The following SRBD1 variants were observed in gnomAD, a reference collection of about 807,000 sequenced individuals.
SRBD1 encodes the protein S1 RNA binding domain 1.
Under a neutral mutation model 115.3 loss-of-function variants are expected in SRBD1, and 88 were observed. The observed-to-expected ratio is 0.76, with a 90% CI of 0.64 to 0.91. The LOEUF is 0.91. Ranked by LOEUF, SRBD1 falls within the 40% of genes least tolerant of loss-of-function variation. The pLI is 0.00. For missense variants in SRBD1, 1,385 were observed against 1,177.4 expected, an observed-to-expected ratio of 1.18 and a Z score of -2.58; for synonymous variants, 509 against 407.7, an observed-to-expected ratio of 1.25 and a Z score of -2.99.
intron 20 of SRBD1, 80 bp from the exon 21 acceptor site, chr2:45,389,679 A>G: frequency 7.4e-7 from 1 of 1,353,290 alleles, no homozygotes; most frequent in South Asian, 1.4e-5. Context: ...AGTACTTACT[A>G]CATACTATGT....
chr2:45,455,775 AT>A (rs1669133598), intron 16 of SRBD1, among the ~76,000 whole-genome samples: 1 of 151,890 alleles, frequency 6.6e-6, no homozygotes, highest in Non-Finnish European at 1.5e-5. Context: ...AAATAAAAAA[AT>A]AACAGTGGTG....
At chr2:45,593,202 C>T (rs1673779146) in intron 4 of SRBD1, among the ~76,000 whole-genome samples, 1 of 152,100 alleles carries the variant, frequency 6.6e-6, no homozygotes, top group Non-Finnish European at 1.5e-5. Context: ...CACTCTTACA[C>T]AGTCAATATA....
chr2:45,439,734 T>C (rs532268167), intron 16 of SRBD1, among the ~76,000 whole-genome samples: 1 of 151,874 alleles, frequency 6.6e-6, no homozygotes. Context: ...GCAAAAATTG[T>C]CTATAAAGAC....
At chr2:45,575,473 C>G (rs559820667) in intron 7 of SRBD1, among the ~76,000 whole-genome samples, 4 of 152,092 alleles carry the variant, frequency 2.6e-5, no homozygotes, top group Non-Finnish European at 5.9e-5. Context: ...TTGCATGAAA[C>G]GTTTTTTGCA....
intron 10 of SRBD1, among the ~76,000 whole-genome samples, chr2:45,560,204 A>G (rs960568093): frequency 9.9e-5 from 15 of 152,238 alleles, no homozygotes; most frequent in Non-Finnish European, 8.8e-5. Context: ...AAATTTTTCA[A>G]TTGGAGAACT....
intron 4 of SRBD1, among the ~76,000 whole-genome samples, chr2:45,589,534 T>C (rs1296514530): frequency 6.6e-6 from 1 of 152,222 alleles, no homozygotes; most frequent in African/African-American, 2.4e-5. Context: ...GAGCAATCCA[T>C]GGGCTCCCAC....
At chr2:45,527,447 T>C (rs1337847006) in intron 14 of SRBD1, among the ~76,000 whole-genome samples, 1 of 151,846 alleles carries the variant, frequency 6.6e-6, no homozygotes, top group Non-Finnish European at 1.5e-5. Context: ...GAGAATCTCA[T>C]GGAGAATGTA....
At chr2:45,475,855 T>C (rs942711041) in intron 16 of SRBD1, among the ~76,000 whole-genome samples, 1 of 152,280 alleles carries the variant, frequency 6.6e-6, no homozygotes, top group Non-Finnish European at 1.5e-5. Context: ...CGCGCCACCA[T>C]ACCCGGCTAA....
chr2:45,554,896 T>G (rs1304099111), intron 10 of SRBD1, among the ~76,000 whole-genome samples: 1 of 152,144 alleles, frequency 6.6e-6, no homozygotes, highest in Non-Finnish European at 1.5e-5. Flanking sequence ...TATGAAATGT[T>G]AAGTTTTCCA....
intron 19 of SRBD1, among the ~76,000 whole-genome samples, chr2:45,409,515 C>CAAAAAAAAAAAAAAAAAAAAAAA (rs59849294): frequency 1.7e-5 from 2 of 117,920 alleles, no homozygotes; most frequent in African/African-American, 3.2e-5. Flanking sequence ...TTGCAATAGG[C>CAAAAAAAAAAAAAAAAAAAAAAA]AAAAAAAAAA....
At chr2:45,574,594 T>A (rs1347238286) in intron 8 of SRBD1, 33 bp downstream of exon 8, 9 of 1,593,482 alleles carry the variant, frequency 5.6e-6, no homozygotes, top group Non-Finnish European at 7.7e-6. Context: ...CATGAGTCCA[T>A]AAAGCAGAAA....
At chr2:45,492,908 C>T (rs1304326050) in intron 14 of SRBD1, among the ~76,000 whole-genome samples, 1 of 152,120 alleles carries the variant, frequency 6.6e-6, no homozygotes, top group Non-Finnish European at 1.5e-5. Context: ...AACAGAAGAA[C>T]TTAATTTAAA....
At chr2:45,562,225 T>G (rs1385064596) in intron 10 of SRBD1, among the ~76,000 whole-genome samples, 2 of 152,128 alleles carry the variant, frequency 1.3e-5, no homozygotes, top group African/African-American at 4.8e-5. Context: ...GTGGGTTTTT[T>G]GTTTGTTTGT....
At chr2:45,531,209 A>C (rs1671601721) in intron 14 of SRBD1, among the ~76,000 whole-genome samples, 2 of 151,900 alleles carry the variant, frequency 1.3e-5, no homozygotes, top group South Asian at 4.2e-4. Context: ...TTACAGGCCA[A>C]AGTCTTTAAT....
At chr2:45,496,526 C>T (rs566980520) in intron 14 of SRBD1, among the ~76,000 whole-genome samples, 6 of 152,054 alleles carry the variant, frequency 3.9e-5, no homozygotes, top group South Asian at 2.1e-4. Flanking sequence ...TATACTTTGC[C>T]GGCAACAAAC....
At chr2:45,578,716 C>T (rs573132821) in intron 7 of SRBD1, among the ~76,000 whole-genome samples, 65 of 152,128 alleles carry the variant, frequency 4.3e-4, no homozygotes, top group African/African-American at 1.5e-3. Context: ...GGTGGAAAGA[C>T]GTAGGTCAAA....
intron 14 of SRBD1, among the ~76,000 whole-genome samples, chr2:45,497,763 G>A (rs561629615): frequency 2.0e-4 from 31 of 151,898 alleles, no homozygotes; most frequent in African/African-American, 5.6e-4. Context: ...CCAGCCAGGC[G>A]TGGTGGCTCA....
chr2:45,401,879 T>C (rs1667300015), intron 19 of SRBD1, among the ~76,000 whole-genome samples: 1 of 152,182 alleles, frequency 6.6e-6, no homozygotes, highest in Non-Finnish European at 1.5e-5. Flanking sequence ...ACTCTTTGCA[T>C]TACAGTCACT....
At chr2:45,420,138 T>C (rs1274949394) in intron 16 of SRBD1, among the ~76,000 whole-genome samples, 1 of 152,216 alleles carries the variant, frequency 6.6e-6, no homozygotes, top group Non-Finnish European at 1.5e-5. Flanking sequence ...TTGCCTGAAA[T>C]TGTGCCCAGA....
Sources: gnomAD v4.1 joint callset for allele counts (sites outside exome capture counted in the v4.1 genomes callset) on GRCh38, gnomAD v4.1.1 for gene constraint, MANE v1.5 for transcripts, NCBI Gene and HGNC (gene_info 2026-07-23, HGNC 2026-07-21) for gene names.